The following FBXO22 variants were observed in gnomAD, a reference collection of about 807,000 sequenced individuals.
The protein encoded by FBXO22 is F-box only protein 22.
Under a neutral mutation model 37.2 loss-of-function variants are expected in FBXO22, and 13 were observed. The ratio of observed to expected loss-of-function variants is 0.35; its 90% CI spans 0.23 to 0.56. The LOEUF is 0.56. Among genes scored for constraint, FBXO22 ranks in the 20% least tolerant of loss-of-function variants. The pLI is 0.87. For missense variants in FBXO22, 446 were observed against 509.9 expected (o/e 0.87, Z 1.21); for synonymous variants, 189 against 189.1 (o/e 1.00, Z 0.00).
rs756855851 is a variant in FBXO22 at position 75,916,344 on chromosome 15, G to A, written c.464-886G>A. On this transcript the variant is annotated intron_variant, in intron 4 of 6. Transcript: ENST00000308275. Reference sequence around the variant, plus strand: ...ACGGAAGCTTATTTTCTCACAGTTTGGGAGGCTAGAAGTCCAAGATCGGGG... The same window carrying A: ...ACGGAAGCTTATTTTCTCACAGTTTAGGAGGCTAGAAGTCCAAGATCGGGG... Among the ~76,000 whole-genome samples the A allele has an allele frequency of 6.0e-4, 91 of 152,134 alleles. 1 individual carries two copies. The highest frequency in any genetic ancestry group is 6.8e-4 in the Non-Finnish European group (46 of 68,018).
chr15:75,924,432 G>A (rs1900396906), intron 5 of FBXO22, among the ~76,000 whole-genome samples: 1 of 152,158 alleles, frequency 6.6e-6, no homozygotes, highest in East Asian at 1.9e-4. Flanking sequence ...AAATAAAGCA[G>A]GTAAAAGCAG....
At chr15:75,907,057 A>G (rs1283911566) in intron 2 of FBXO22, among the ~76,000 whole-genome samples, 2 of 152,114 alleles carry the variant, frequency 1.3e-5, no homozygotes, top group Admixed American at 6.5e-5. Flanking sequence ...ACTGTTTTTA[A>G]AAAGTTTTCT....
intron 2 of FBXO22, among the ~76,000 whole-genome samples, chr15:75,907,460 T>C (rs1401716355): frequency 1.3e-5 from 2 of 152,202 alleles, no homozygotes; most frequent in African/African-American, 4.8e-5. Flanking sequence ...GTTCCTCCAT[T>C]GTAGTAAACT....
chr15:75,925,312 T>C (rs1900414766), intron 5 of FBXO22, among the ~76,000 whole-genome samples: 1 of 152,218 alleles, frequency 6.6e-6, no homozygotes, highest in Non-Finnish European at 1.5e-5. Context: ...ATTTCTATAA[T>C]GTACTTAGAA....
chr15:75,907,672 A>G (rs570340098), intron 2 of FBXO22, among the ~76,000 whole-genome samples: 5 of 152,256 alleles, frequency 3.3e-5, no homozygotes, highest in African/African-American at 1.2e-4. Context: ...GAGGCAGGCA[A>G]ATCACTTGAG....
chr15:75,930,054 G>A lies in FBXO22; in HGVS notation c.794+5G>A. On this transcript the variant is annotated splice_donor_5th_base_variant and intron_variant, in intron 6 of 6. Transcript: ENST00000308275. ...GTCATCACTGACTTCTGAAAAGTAT[G>A]TCTTGTGTGCTTCTGATTTCGTCTG... 4 of 1,613,966 alleles carry A rather than the reference G, an allele frequency of 2.5e-6. No individual in the cohort carries two copies. The highest frequency in any genetic ancestry group is 3.4e-6 in the Non-Finnish European group (4 of 1,179,846).
chr15:75,923,055 C>T lies in FBXO22; in HGVS notation c.628+5661C>T, dbSNP rs534484070. ...ACCTTTTGTGTGCTGCCTTTTTTGT[C>T]CAGAGAGGTGACATAGCTGTTTCCT... On this transcript the variant is annotated intron_variant, in intron 5 of 6. Coordinates refer to ENST00000308275, the MANE Select transcript of FBXO22 (RefSeq NM_147188.3). Among the ~76,000 whole-genome samples the T allele has an allele frequency of 2.0e-5, 3 of 152,128 alleles. No homozygotes were observed. In the South Asian group the frequency reaches 6.2e-4, roughly 32 times the overall value.
chr15:75,911,044 T>C (rs1900040283), intron 2 of FBXO22, among the ~76,000 whole-genome samples: 1 of 152,260 alleles, frequency 6.6e-6, no homozygotes, highest in Admixed American at 6.5e-5. Flanking sequence ...TGCTTGTTTT[T>C]GTCAGAGTTG....
Position 75,917,396 on chromosome 15 carries a change from T to C in FBXO22, c.628+2T>C. The C allele has an allele frequency of 6.4e-7, 1 of 1,561,092 alleles. No individual in the cohort carries two copies. Among genetic ancestry groups the C allele is most frequent in the Non-Finnish European group, 8.7e-7 (1 of 1,147,402 alleles). On this transcript the variant is annotated splice_donor_variant, in intron 5 of 6. Transcript: ENST00000308275. LOFTEE classifies it high-confidence loss of function. Reference sequence around the variant, plus strand: ...AAAGACATCAACTCACTGAAGTAGGTAAGTTACTTTTATTTATCATTAACT... The same window carrying C: ...AAAGACATCAACTCACTGAAGTAGGCAAGTTACTTTTATTTATCATTAACT...
chr15:75,911,301 A>G (rs566193102), intron 2 of FBXO22, among the ~76,000 whole-genome samples: 24 of 152,194 alleles, frequency 1.6e-4, no homozygotes, highest in Non-Finnish European at 2.1e-4. Flanking sequence ...CTCTGTGAAG[A>G]AAGTCAGTGG....
chr15:75,930,903 A>G, intron 6 of FBXO22: 1 of 953,170 alleles, frequency 1.0e-6, no homozygotes, highest in Non-Finnish European at 1.2e-6. Flanking sequence ...CATCCTAGTT[A>G]TAGTCTCTCT....
chr15:75,904,666 G>T, intron 2 of FBXO22, 37 bp downstream of exon 2: 2 of 1,543,442 alleles, frequency 1.3e-6, no homozygotes, highest in Admixed American at 4.3e-5. Context: ...GTCATTTGCA[G>T]GTTGGTGGTT....
Position 75,933,536 on chromosome 15 carries a change from T to C in FBXO22, c.*434T>C, listed in dbSNP as rs931838706. 7.4e-5 allele frequency: 13 copies of C among 175,848 alleles called. No homozygotes were observed. Among genetic ancestry groups the C allele is most frequent in the Non-Finnish European group, 1.3e-4 (11 of 82,756 alleles). 10.9% of individuals were successfully genotyped at this position (175,848 alleles called of 1,614,324 possible). A position where few individuals can be genotyped will look rare whatever the true frequency, so the allele number is the denominator to read the frequency against. ...TCTCCCTTAATAAAGGAGAAAAATA[T>C]ACTGATGGCTGGAGAAATTTTTCTC... On this transcript the variant is annotated 3_prime_UTR_variant, in exon 7 of 7. Transcript: ENST00000308275.
Position 75,935,684 on chromosome 15 carries a change from A to G in FBXO22, c.*2582A>G, listed in dbSNP as rs1021969655. ...TGCTTAAAGCAAACCCTAACCCTCAACCTACGAGGCCAGATAGCAAAAGAC... is the reference window on the plus strand; with the variant it reads ...TGCTTAAAGCAAACCCTAACCCTCAGCCTACGAGGCCAGATAGCAAAAGAC... On this transcript the variant is annotated 3_prime_UTR_variant, in exon 7 of 7. Transcript: ENST00000308275. 1 of 151,256 alleles carries G rather than the reference A, an allele frequency of 6.6e-6. No homozygotes were observed. The highest frequency in any genetic ancestry group is 2.4e-5 in the African/African-American group (1 of 41,022). 9.4% of individuals were successfully genotyped at this position (151,256 alleles called of 1,614,324 possible).
At chr15:75,930,401 T>C (rs1349973310) in intron 6 of FBXO22, 6 of 1,108,168 alleles carry the variant, frequency 5.4e-6, no homozygotes, top group Non-Finnish European at 6.6e-6. Context: ...GGTTAGAGTG[T>C]ATCTTTATGG....
rs939881382 is a variant in FBXO22 at position 75,940,429 on chromosome 15, TAC to T, written c.*7329_*7330del. The T allele has an allele frequency of 2.0e-5, 3 of 150,872 alleles. No homozygotes were observed. Among genetic ancestry groups the T allele is most frequent in the African/African-American group, 7.3e-5 (3 of 41,052 alleles). 9.3% of individuals were successfully genotyped at this position (150,872 alleles called of 1,614,324 possible). A position where few individuals can be genotyped will look rare whatever the true frequency, so the allele number is the denominator to read the frequency against. On this transcript the variant is annotated 3_prime_UTR_variant, in exon 7 of 7. Coordinates refer to ENST00000308275, the MANE Select transcript of FBXO22 (RefSeq NM_147188.3). ...TACTCAAAGTGATGTGCAGATTCACTACAGTCTCTATCAGAATCCTAGGATTT... is the reference window on the plus strand; with the variant it reads ...TACTCAAAGTGATGTGCAGATTCACTAGTCTCTATCAGAATCCTAGGATTT...
At chr15:75,928,435 A>G (rs1451535951) in intron 5 of FBXO22, among the ~76,000 whole-genome samples, 21 of 152,214 alleles carry the variant, frequency 1.4e-4, no homozygotes, top group Non-Finnish European at 3.1e-4. Context: ...CTTTGCAGGG[A>G]CATGGATGGA....
chr15:75,904,145 C>T, intron 1 of FBXO22, 42 bp downstream of exon 1: 3 of 1,507,736 alleles, frequency 2.0e-6, no homozygotes, highest in Non-Finnish European at 2.7e-6. Context: ...CCTGGGGACA[C>T]GCCGTGGGCA....
intron 5 of FBXO22, 103 bp from the exon 6 acceptor site, chr15:75,929,781 C>A: frequency 5.1e-6 from 7 of 1,359,706 alleles, no homozygotes; most frequent in South Asian, 3.9e-5. Context: ...ACTAAATTGC[C>A]CTTAAGGTGG....
Sources: allele counts gnomAD v4.1 joint callset (sites outside exome capture counted in the v4.1 genomes callset), GRCh38; gene constraint gnomAD v4.1.1; transcripts MANE v1.5; gene names NCBI Gene and HGNC (gene_info 2026-07-23, HGNC 2026-07-21).